Variants in ARFGEF2 observed in about 807,000 individuals in gnomAD.
ARFGEF2 encodes the protein brefeldin A-inhibited guanine nucleotide-exchange protein 2.
A neutral mutation model predicts 219.9 loss-of-function variants in ARFGEF2; 74 were observed. The ratio of observed to expected loss-of-function variants is 0.34; its 90% confidence interval spans 0.28 to 0.41. ARFGEF2 has a LOEUF of 0.41. Ranked by LOEUF, ARFGEF2 falls within the 10% of genes least tolerant of loss-of-function variation. The pLI, the probability that ARFGEF2 is intolerant of heterozygous loss-of-function variation, is 1.00. For synonymous variants in ARFGEF2, 733 were observed against 799.2 expected, an observed-to-expected ratio of 0.92 and a Z score of 1.40; for missense variants, 1,743 against 2,218.3, an observed-to-expected ratio of 0.79 and a Z score of 4.30.
intron 12 of ARFGEF2, 121 bp downstream of exon 12, chr20:48,973,405 A>G (rs2091240670): frequency 9.9e-7 from 1 of 1,010,994 alleles, no homozygotes; most frequent in Non-Finnish European, 1.5e-6. Context: ...AGGAATGCAT[A>G]TTCACACACT....
At chr20:48,979,940 C>T (rs1426375698) in intron 14 of ARFGEF2, among the ~76,000 whole-genome samples, 2 of 143,438 alleles carry the variant, frequency 1.4e-5, no homozygotes, top group African/African-American at 4.9e-5. Context: ...CTCCTGGATT[C>T]GTTGATTTTT....
In ARFGEF2 at chr20:49,034,437, C is replaced by T. The variant is rs2091654940; in HGVS notation, c.*1238C>T. 1 of 152,216 alleles carries T rather than the reference C, an allele frequency of 6.6e-6. No individual in the cohort carries two copies. The highest frequency in any genetic ancestry group is 1.5e-5 in the Non-Finnish European group (1 of 68,040). The allele number at this position is 152,216 out of a possible 1,614,324, so 9.4% of individuals were successfully genotyped here. ...GCAGTAGAACTGAGTTCTGCTGCAGCTTGTGTAAAAGTGGGCAGTACACAA... is the reference window on the plus strand; with the variant it reads ...GCAGTAGAACTGAGTTCTGCTGCAGTTTGTGTAAAAGTGGGCAGTACACAA... On this transcript the variant is annotated 3_prime_UTR_variant, in exon 39 of 39. Transcript: ENST00000371917.
intron 1 of ARFGEF2, among the ~76,000 whole-genome samples, chr20:48,940,023 A>G (rs576217657): frequency 1.1e-4 from 17 of 152,342 alleles, no homozygotes; most frequent in East Asian, 3.9e-4. Flanking sequence ...TTGTGGGTCT[A>G]ACATGTAGAA....
intron 26 of ARFGEF2, among the ~76,000 whole-genome samples, chr20:49,005,588 A>G (rs1361676924): frequency 1.3e-5 from 2 of 151,798 alleles, no homozygotes; most frequent in African/African-American, 2.4e-5. Context: ...AATACAAAAA[A>G]TTAGCCGGGC....
Position 49,028,598 on chromosome 20 carries a change from A to G in ARFGEF2, c.4993A>G (p.Ile1665Val). The change falls in exon 37 of 39, where the codon ATC becomes GTC. Residue 1665 changes from isoleucine to valine, a missense_variant. Around this residue, in one of 5 missense-constraint regions of ARFGEF2, gnomAD observed 578 missense variants for 664.0 expected, o/e 0.87. Coordinates refer to ENST00000371917, the MANE Select transcript of ARFGEF2 (RefSeq NM_006420.3). ...ETSSLACCLR[I>V]LFRMYVDENR... ...CAGCAGCCTGGCCTGTTGTTTGAGG[A>G]TCCTGTTTCGAATGTATGTTGATGA... The G allele has an allele frequency of 6.2e-7, 1 of 1,614,174 alleles. No individual in the cohort carries two copies. Among genetic ancestry groups the G allele is most frequent in the East Asian group, 2.2e-5 (1 of 44,882 alleles).
In ARFGEF2 at chr20:48,936,297, G is replaced by A. The variant is rs1488679629; in HGVS notation, c.122-4902G>A. Among the ~76,000 whole-genome samples, 5 of 149,076 alleles carry A rather than the reference G, an allele frequency of 3.4e-5. No homozygotes were observed. The East Asian group carries it at 8.2e-4, about 24-fold the overall frequency. On this transcript the variant is annotated intron_variant, in intron 1 of 38. Transcript: ENST00000371917. ...GACGGGGCGGCTGGCCAGGCGGGGG[G>A]CTGACCCCCCCCACCTCCCTCCCGG...
chr20:48,982,021 G>A (rs895216197), intron 14 of ARFGEF2, among the ~76,000 whole-genome samples: 1 of 152,088 alleles, frequency 6.6e-6, no homozygotes, highest in Non-Finnish European at 1.5e-5. Flanking sequence ...TCTTTGTTCT[G>A]TTGCTGGGGA....
intron 25 of ARFGEF2, among the ~76,000 whole-genome samples, chr20:49,000,813 A>T (rs1178212711): frequency 6.6e-6 from 1 of 152,132 alleles, no homozygotes; most frequent in East Asian, 1.9e-4. Flanking sequence ...TTTTGTGTTC[A>T]TTGGGACTTC....
At chr20:48,959,428 C>CT (rs2091126648) in intron 6 of ARFGEF2, among the ~76,000 whole-genome samples, 1 of 130,190 alleles carries the variant, frequency 7.7e-6, no homozygotes, top group African/African-American at 2.8e-5. Context: ...TCCCTCCCTT[C>CT]TTCCTTCCCT....
intron 14 of ARFGEF2, among the ~76,000 whole-genome samples, chr20:48,983,374 C>T (rs553299477): frequency 6.6e-6 from 1 of 152,268 alleles, no homozygotes; most frequent in African/African-American, 2.4e-5. Flanking sequence ...GTAAGTTCAA[C>T]TTAAGAGTTG....
chr20:48,927,651 G>T (rs978055650), intron 1 of ARFGEF2, among the ~76,000 whole-genome samples: 1 of 151,248 alleles, frequency 6.6e-6, no homozygotes, highest in African/African-American at 2.4e-5. Flanking sequence ...TGGCGCCACT[G>T]CACTCCAGCC....
chr20:49,005,062 T>C lies in ARFGEF2; in HGVS notation c.3433-8T>C, dbSNP rs774787656. The C allele has an allele frequency of 4.3e-6, 7 of 1,614,202 alleles. No homozygotes were observed. The East Asian group carries it at 1.6e-4, about 36-fold the overall frequency. On this transcript the variant is annotated splice_polypyrimidine_tract_variant and splice_region_variant and intron_variant, in intron 25 of 38. Coordinates refer to ENST00000371917, the MANE Select transcript of ARFGEF2 (RefSeq NM_006420.3). ...ACCTGTTTCACATCAGTTCCTGTTC[T>C]TGTTCAGGTTGGCTGCAACCCTAAT...
At chr20:49,023,304 C>G (rs1216006315) in intron 35 of ARFGEF2, 123 bp downstream of exon 35, 34 of 1,336,598 alleles carry the variant, frequency 2.5e-5, no homozygotes, top group Non-Finnish European at 7.3e-6. Flanking sequence ...TCTTTCCAAC[C>G]TCACATTCAG....
chr20:48,927,003 G>T lies in ARFGEF2; in HGVS notation c.121+4993G>T, dbSNP rs538439982. Among the ~76,000 whole-genome samples, 3 of 152,292 alleles carry T rather than the reference G, an allele frequency of 2.0e-5. No individual in the cohort carries two copies. The East Asian group carries it at 5.8e-4, about 29-fold the overall frequency. ...GAGCTTTTTTGATGCTGTGATGGAGGTGAAAGCCAGACTGGCATGGGTTGA... is the reference window on the plus strand; with the variant it reads ...GAGCTTTTTTGATGCTGTGATGGAGTTGAAAGCCAGACTGGCATGGGTTGA... On this transcript the variant is annotated intron_variant, in intron 1 of 38. Coordinates refer to ENST00000371917, the MANE Select transcript of ARFGEF2 (RefSeq NM_006420.3).
chr20:49,036,653 T>C lies in ARFGEF2; in HGVS notation c.*3454T>C, dbSNP rs1555817726. ...TGTATAATACTATTAAAATATCCCA[T>C]GCTTTGATCAGGTGGTACATCAATA... On this transcript the variant is annotated 3_prime_UTR_variant, in exon 39 of 39. Coordinates refer to ENST00000371917, the MANE Select transcript of ARFGEF2 (RefSeq NM_006420.3). The C allele has an allele frequency of 6.4e-6, 1 of 155,572 alleles. No homozygotes were observed. The highest frequency in any genetic ancestry group is 2.4e-5 in the African/African-American group (1 of 41,736). 9.6% of individuals were successfully genotyped at this position (155,572 alleles called of 1,614,324 possible). A position where few individuals can be genotyped will look rare whatever the true frequency, so the allele number is the denominator to read the frequency against.
intron 1 of ARFGEF2, among the ~76,000 whole-genome samples, chr20:48,936,351 A>AC (rs1250358248): frequency 9.2e-5 from 12 of 130,486 alleles, no homozygotes; most frequent in East Asian, 2.3e-4. Context: ...CGGGGGGCTG[A>AC]CCCCCCCACC....
At chr20:48,938,224 A>G (rs1343492408) in intron 1 of ARFGEF2, among the ~76,000 whole-genome samples, 1 of 152,134 alleles carries the variant, frequency 6.6e-6, no homozygotes, top group African/African-American at 2.4e-5. Flanking sequence ...TGGCTGGACA[A>G]CATTTCGCTT....
At chr20:49,029,758 G>T (rs1288951004) in intron 37 of ARFGEF2, among the ~76,000 whole-genome samples, 1 of 151,700 alleles carries the variant, frequency 6.6e-6, no homozygotes, top group Admixed American at 6.6e-5. Context: ...TACCTGGCTG[G>T]TTTTTTGTAT....
At chr20:48,959,222 T>C (rs759478458) in intron 6 of ARFGEF2, among the ~76,000 whole-genome samples, 57 of 152,078 alleles carry the variant, frequency 3.7e-4, no homozygotes, top group Non-Finnish European at 5.9e-5. Context: ...GGGTGTTGAA[T>C]GTAAATGAGG....
Sources: allele counts gnomAD v4.1 joint callset (sites outside exome capture counted in the v4.1 genomes callset), GRCh38; gene constraint gnomAD v4.1.1; regional missense constraint gnomAD v4.1.1; transcripts MANE v1.5; gene names NCBI Gene and HGNC (gene_info 2026-07-23, HGNC 2026-07-21).